The following FAM135B variants were observed in gnomAD, a reference collection of about 807,000 sequenced individuals.
FAM135B encodes the protein protein FAM135B.
A neutral mutation model predicts 127.7 loss-of-function variants in FAM135B; 43 were observed. That is an observed-to-expected ratio of 0.34 (90% CI 0.26 to 0.43). FAM135B has a LOEUF of 0.43. Among genes scored for constraint, FAM135B ranks in the 20% least tolerant of loss-of-function variants. The probability of loss-of-function intolerance (pLI) is 1.00; values close to 1 mark genes in which losing one functional copy is unlikely to be tolerated. For synonymous variants in FAM135B, 670 were observed against 665.1 expected (o/e 1.01, Z -0.11); for missense variants, 1,558 against 1,725.6 (o/e 0.90, Z 1.72).
intron 11 of FAM135B, among the ~76,000 whole-genome samples, chr8:138,172,050 G>A (rs566554621): frequency 6.6e-5 from 10 of 152,298 alleles, no homozygotes; most frequent in Admixed American, 3.3e-4. Context: ...GTTTTCTGGT[G>A]TTCTGTGGAG....
intron 3 of FAM135B, among the ~76,000 whole-genome samples, chr8:138,280,062 T>C (rs1824144095): frequency 6.6e-6 from 1 of 152,156 alleles, no homozygotes; most frequent in African/African-American, 2.4e-5. Context: ...AACTGGGGCC[T>C]CAGAGAGATG....
At chr8:138,426,914 C>A (rs1451858577) in intron 1 of FAM135B, among the ~76,000 whole-genome samples, 1 of 151,674 alleles carries the variant, frequency 6.6e-6, no homozygotes, top group Non-Finnish European at 1.5e-5. Context: ...ACTATCTTCC[C>A]AAGATACAAA....
At chr8:138,384,653 C>T (rs1832075558) in intron 1 of FAM135B, among the ~76,000 whole-genome samples, 1 of 151,778 alleles carries the variant, frequency 6.6e-6, no homozygotes, top group Admixed American at 6.6e-5. Flanking sequence ...TGTGTGTGTG[C>T]ACCTGTGTGT....
At position 138,350,063 on chromosome 8, in the gene FAM135B, C is replaced by T. The variant is rs553284663; in HGVS notation, c.77+17844G>A. Reference sequence around the variant, plus strand: ...TAAGTACCTTGGCCATGACCACCATCGCTCAGATGTCCTGAAGTAAAGACT... The same window carrying T: ...TAAGTACCTTGGCCATGACCACCATTGCTCAGATGTCCTGAAGTAAAGACT... On this transcript the variant is annotated intron_variant, in intron 2 of 19. Coordinates refer to ENST00000395297, the MANE Select transcript of FAM135B (RefSeq NM_015912.4). Among the ~76,000 whole-genome samples the T allele has an allele frequency of 8.5e-5, 13 of 152,264 alleles. No homozygotes were observed. The East Asian group carries it at 1.4e-3, about 16-fold the overall frequency.
intron 1 of FAM135B, among the ~76,000 whole-genome samples, chr8:138,400,403 T>C (rs1254401567): frequency 6.6e-6 from 1 of 152,168 alleles, no homozygotes; most frequent in East Asian, 1.9e-4. Flanking sequence ...GACCAGAGAC[T>C]GGGTGATAGA....
chr8:138,296,428 T>C (rs1244522187), intron 3 of FAM135B, among the ~76,000 whole-genome samples: 1 of 152,224 alleles, frequency 6.6e-6, no homozygotes, highest in Non-Finnish European at 1.5e-5. Flanking sequence ...GAATTATTTT[T>C]AGGCAATGGA....
chr8:138,414,099 C>T lies in FAM135B; in HGVS notation c.-19-46097G>A, dbSNP rs1196547035. ...TTAATAAATACAATATGCTTAAGTT[C>T]CCCTGTTCACACACAAATACATATA... On this transcript the variant is annotated intron_variant, in intron 1 of 19. Transcript: ENST00000395297. Among the ~76,000 whole-genome samples the T allele has an allele frequency of 3.4e-5, 4 of 116,746 alleles. No homozygotes were observed. In the East Asian group the frequency reaches 8.1e-4, roughly 24 times the overall value. 76.6% of individuals were successfully genotyped at this position (116,746 alleles called of 152,430 possible).
chr8:138,471,350 G>C (rs1022333923), intron 1 of FAM135B, among the ~76,000 whole-genome samples: 3 of 152,196 alleles, frequency 2.0e-5, no homozygotes, highest in African/African-American at 4.8e-5. Context: ...GAGTGTGGCT[G>C]GCATACATGA....
At chr8:138,403,342 C>T (rs1321097313) in intron 1 of FAM135B, among the ~76,000 whole-genome samples, 1 of 152,024 alleles carries the variant, frequency 6.6e-6, no homozygotes, top group Non-Finnish European at 1.5e-5. Context: ...TGCAGGTAGA[C>T]AGACCCATCA....
chr8:138,487,013 C>T lies in FAM135B; in HGVS notation c.-20+9658G>A, dbSNP rs148272643. Among the ~76,000 whole-genome samples, 222 of 151,840 alleles carry T rather than the reference C, an allele frequency of 1.5e-3. 1 individual carries two copies. The highest frequency in any genetic ancestry group is 3.5e-4 in the Non-Finnish European group (24 of 67,968). ...TAAGTTCTAGGGTACATGTGCACAA[C>T]GTGCCGGTTTGTTACATATGTATAC... On this transcript the variant is annotated intron_variant, in intron 1 of 19. Coordinates refer to ENST00000395297, the MANE Select transcript of FAM135B (RefSeq NM_015912.4).
chr8:138,207,841 A>G (rs1388442281), intron 7 of FAM135B, among the ~76,000 whole-genome samples: 2 of 152,200 alleles, frequency 1.3e-5, no homozygotes, highest in Non-Finnish European at 2.9e-5. Flanking sequence ...GCCCTGGGGT[A>G]GCCTGGTGAA....
chr8:138,219,701 A>C (rs1376781988), intron 7 of FAM135B, among the ~76,000 whole-genome samples: 1 of 152,050 alleles, frequency 6.6e-6, no homozygotes, highest in Non-Finnish European at 1.5e-5. Flanking sequence ...TAAATGACTC[A>C]CTTTACCTCT....
intron 2 of FAM135B, among the ~76,000 whole-genome samples, chr8:138,322,852 G>A (rs529210071): frequency 1.3e-5 from 2 of 152,306 alleles, no homozygotes; most frequent in South Asian, 4.1e-4. Context: ...AAGACACTGT[G>A]ATGCGGAGGT....
At chr8:138,336,794 G>A (rs1828629260) in intron 2 of FAM135B, among the ~76,000 whole-genome samples, 1 of 152,086 alleles carries the variant, frequency 6.6e-6, no homozygotes, top group Admixed American at 6.5e-5. Flanking sequence ...GCCTGGCAGA[G>A]ACACAACAAA....
At chr8:138,270,038 C>G (rs1199404160) in intron 3 of FAM135B, among the ~76,000 whole-genome samples, 1 of 152,080 alleles carries the variant, frequency 6.6e-6, no homozygotes, top group Non-Finnish European at 1.5e-5. Context: ...CAGAGAAGGA[C>G]CAGAATAATT....
chr8:138,458,362 C>T (rs1836918932), intron 1 of FAM135B, among the ~76,000 whole-genome samples: 1 of 152,128 alleles, frequency 6.6e-6, no homozygotes, highest in African/African-American at 2.4e-5. Context: ...TGTAGTCTGT[C>T]AGGAGTCAAA....
chr8:138,475,400 G>T (rs116229298), intron 1 of FAM135B, among the ~76,000 whole-genome samples: 2 of 151,962 alleles, frequency 1.3e-5, no homozygotes, highest in African/African-American at 2.4e-5. Context: ...CCCAGACGTC[G>T]CCCAAAGCCA....
chr8:138,186,371 C>T (rs887145901), intron 9 of FAM135B, among the ~76,000 whole-genome samples: 19 of 152,314 alleles, frequency 1.2e-4, no homozygotes, highest in African/African-American at 4.6e-4. Flanking sequence ...GATTCATCCA[C>T]ATCACTCCAT....
At chr8:138,213,779 G>A (rs1210243231) in intron 7 of FAM135B, among the ~76,000 whole-genome samples, 3 of 152,150 alleles carry the variant, frequency 2.0e-5, no homozygotes, top group African/African-American at 7.2e-5. Context: ...AAGTAGAGGG[G>A]AAGCAGCAAG....
Sources: gnomAD v4.1 joint callset for allele counts (sites outside exome capture counted in the v4.1 genomes callset) on GRCh38, gnomAD v4.1.1 for gene constraint, MANE v1.5 for transcripts, NCBI Gene and HGNC (gene_info 2026-07-23, HGNC 2026-07-21) for gene names.